The following NEGR1 variants were observed in gnomAD, a reference collection of about 807,000 sequenced individuals.
NEGR1 encodes IgLON family member 4.
Under a neutral mutation model 40.9 loss-of-function variants are expected in NEGR1, and 10 were observed. That is an observed-to-expected ratio of 0.24 (90% CI 0.15 to 0.42). NEGR1 has a LOEUF of 0.42. Ranked by LOEUF, NEGR1 falls within the 10% of genes least tolerant of loss-of-function variation. The pLI, the probability that NEGR1 is intolerant of heterozygous loss-of-function variation, is 1.00. For missense variants in NEGR1, 352 were observed against 438.9 expected, an observed-to-expected ratio of 0.80 and a Z score of 1.77; for synonymous variants, 185 against 166.8, an observed-to-expected ratio of 1.11 and a Z score of -0.84.
intron 2 of NEGR1, among the ~76,000 whole-genome samples, chr1:71,841,925 C>T (rs1659254888): frequency 6.6e-6 from 1 of 152,114 alleles, no homozygotes; most frequent in African/African-American, 2.4e-5. Context: ...ATTTTTAAAA[C>T]TGTCTCAAAA....
intron 1 of NEGR1, among the ~76,000 whole-genome samples, chr1:72,189,521 T>C (rs956862279): frequency 6.6e-6 from 1 of 151,522 alleles, no homozygotes; most frequent in African/African-American, 2.4e-5. Context: ...TCACTGTATA[T>C]ATGTCTTTCG....
chr1:71,614,910 G>T (rs142135704), intron 4 of NEGR1, among the ~76,000 whole-genome samples: 1 of 152,142 alleles, frequency 6.6e-6, no homozygotes, highest in African/African-American at 2.4e-5. Flanking sequence ...CTAGGGCTTC[G>T]TGGGCTGCTA....
intron 1 of NEGR1, among the ~76,000 whole-genome samples, chr1:72,198,098 C>T (rs571356742): frequency 6.6e-6 from 1 of 152,064 alleles, no homozygotes; most frequent in African/African-American, 2.4e-5. Context: ...TGGTATTTCC[C>T]CAAGTAGTTT....
chr1:71,812,580 A>C (rs535347051), intron 2 of NEGR1, among the ~76,000 whole-genome samples: 11 of 152,104 alleles, frequency 7.2e-5, no homozygotes, highest in Non-Finnish European at 1.3e-4. Context: ...ACTTTTTAAT[A>C]ATCACCATTC....
intron 1 of NEGR1, among the ~76,000 whole-genome samples, chr1:72,098,221 C>A (rs1470650213): frequency 6.6e-6 from 1 of 152,048 alleles, no homozygotes; most frequent in Non-Finnish European, 1.5e-5. Flanking sequence ...ACTGTATAGA[C>A]CTGGACTGAT....
intron 4 of NEGR1, among the ~76,000 whole-genome samples, chr1:71,692,615 CAT>C (rs1653324494): frequency 2.6e-5 from 4 of 151,840 alleles, no homozygotes; most frequent in African/African-American, 7.2e-5. Flanking sequence ...AAAAACTGGT[CAT>C]TTCCCTAGAA....
At chr1:72,019,344 TG>T (rs1376840972) in intron 1 of NEGR1, among the ~76,000 whole-genome samples, 1 of 152,222 alleles carries the variant, frequency 6.6e-6, no homozygotes, top group Admixed American at 6.5e-5. Flanking sequence ...GCATAATCAC[TG>T]CACAATTATA....
chr1:71,513,876 G>A (rs933543839), intron 6 of NEGR1, among the ~76,000 whole-genome samples: 188 of 148,460 alleles, frequency 1.3e-3, no homozygotes, highest in African/African-American at 4.4e-3. Context: ...CGCACCGTGC[G>A]CGAGCCGAAG....
At chr1:71,585,879 T>C (rs1015261767) in intron 6 of NEGR1, among the ~76,000 whole-genome samples, 1 of 152,076 alleles carries the variant, frequency 6.6e-6, no homozygotes, top group African/African-American at 2.4e-5. Context: ...TCAGGTTATA[T>C]AGATCTGTGC....
intron 6 of NEGR1, among the ~76,000 whole-genome samples, chr1:71,439,010 T>C (rs1646528964): frequency 6.6e-6 from 1 of 152,214 alleles, no homozygotes; most frequent in Non-Finnish European, 1.5e-5. Flanking sequence ...AACTGTTCAC[T>C]ATTCCCAGTC....
chr1:71,451,953 C>T (rs1646632467), intron 6 of NEGR1, among the ~76,000 whole-genome samples: 1 of 152,100 alleles, frequency 6.6e-6, no homozygotes, highest in Non-Finnish European at 1.5e-5. Context: ...TACTTTTGCA[C>T]CCACGCCTTT....
intron 2 of NEGR1, among the ~76,000 whole-genome samples, chr1:71,884,591 C>T (rs1174954223): frequency 6.6e-6 from 1 of 152,004 alleles, no homozygotes; most frequent in Admixed American, 6.6e-5. Context: ...ACCTTTATTC[C>T]CAGTAAGAAA....
intron 2 of NEGR1, among the ~76,000 whole-genome samples, chr1:71,930,977 C>G (rs1268848846): frequency 2.0e-5 from 3 of 152,128 alleles, no homozygotes; most frequent in Admixed American, 2.0e-4. Flanking sequence ...CAGGGCTTGA[C>G]TTCAGCAAGG....
intron 4 of NEGR1, among the ~76,000 whole-genome samples, chr1:71,653,416 T>C (rs1651779630): frequency 6.6e-6 from 1 of 152,212 alleles, no homozygotes; most frequent in Non-Finnish European, 1.5e-5. Context: ...GCTTTCCATT[T>C]CAGAAATTCT....
intron 3 of NEGR1, among the ~76,000 whole-genome samples, chr1:71,725,603 CT>C (rs1217588214): frequency 6.6e-6 from 1 of 152,086 alleles, no homozygotes; most frequent in East Asian, 1.9e-4. Flanking sequence ...AAAAAATACT[CT>C]TCAAAACACA....
intron 1 of NEGR1, among the ~76,000 whole-genome samples, chr1:72,158,742 C>T (rs1434994475): frequency 1.3e-5 from 2 of 152,074 alleles, no homozygotes; most frequent in Non-Finnish European, 2.9e-5. Flanking sequence ...GTACAATAAA[C>T]TGAGCTATCA....
chr1:72,061,947 C>A (rs1647182835), intron 1 of NEGR1, among the ~76,000 whole-genome samples: 1 of 151,718 alleles, frequency 6.6e-6, no homozygotes, highest in Admixed American at 6.6e-5. Context: ...AATAATCCAA[C>A]CCCAGACTTC....
At position 71,399,284 on chromosome 1, in the gene NEGR1, A is replaced by G. The variant is rs560875448; in HGVS notation, c.*8162T>C. The G allele has an allele frequency of 9.2e-5, 14 of 152,324 alleles. No individual in the cohort carries two copies. Among genetic ancestry groups the G allele is most frequent in the African/African-American group, 3.1e-4 (13 of 41,594 alleles). 9.4% of individuals were successfully genotyped at this position (152,324 alleles called of 1,614,324 possible). A position where few individuals can be genotyped will look rare whatever the true frequency, so the allele number is the denominator to read the frequency against. The stretch of plus-strand genomic sequence containing the variant: ...AATTGCTTATTCAAATGTAAAAAAA[A>G]AAACCCAGTCTTTCTCCTTGTCAAC... On this transcript the variant is annotated 3_prime_UTR_variant, in exon 7 of 7. Transcript: ENST00000357731.
At chr1:72,246,442 C>T (rs778550806) in intron 1 of NEGR1, among the ~76,000 whole-genome samples, 1 of 152,128 alleles carries the variant, frequency 6.6e-6, no homozygotes, top group Non-Finnish European at 1.5e-5. Context: ...GCCTCCATGC[C>T]ATGCATCCAC....
Sources: gnomAD v4.1 joint callset for allele counts (sites outside exome capture counted in the v4.1 genomes callset) on GRCh38, gnomAD v4.1.1 for gene constraint, MANE v1.5 for transcripts, NCBI Gene and HGNC (gene_info 2026-07-23, HGNC 2026-07-21) for gene names.